Variants in OR4N2 observed in about 807,000 individuals in gnomAD.
OR4N2 encodes the protein olfactory receptor family 4 subfamily N member 2.
For synonymous variants in OR4N2, 141 were observed against 140.4 expected, an observed-to-expected ratio of 1.00 and a Z score of -0.03; for missense variants, 307 against 377.6, an observed-to-expected ratio of 0.81 and a Z score of 1.55.
chr14:19,817,534 G>A (rs1879456477), intron 1 of OR4N2, among the ~76,000 whole-genome samples: 1 of 152,206 alleles, frequency 6.6e-6, no homozygotes, highest in Admixed American at 6.5e-5. Context: ...GATCAGTGGT[G>A]ATACCCCTTT....
intron 1 of OR4N2, among the ~76,000 whole-genome samples, chr14:19,804,117 T>C (rs1191053673): frequency 6.6e-6 from 1 of 152,246 alleles, no homozygotes; most frequent in Non-Finnish European, 1.5e-5. Flanking sequence ...GCCAATGCTC[T>C]ATCAATCTGA....
intron 1 of OR4N2, among the ~76,000 whole-genome samples, chr14:19,820,136 G>A (rs1044836008): frequency 3.3e-5 from 5 of 152,244 alleles, no homozygotes; most frequent in Non-Finnish European, 7.3e-5. Context: ...CCTGCTAGGA[G>A]GTGTCTCCCA....
At position 19,827,235 on chromosome 14, in the gene OR4N2, G is replaced by A. The variant is rs186426518; in HGVS notation, c.-9-205G>A. On this transcript the variant is annotated intron_variant, in intron 1 of 1. Transcript: ENST00000557677. ...ATGGTTGAATGGGAATAAAACTGTAGCTTTGAGAACCATATTGTGTTTTCA... is the reference window on the plus strand; with the variant it reads ...ATGGTTGAATGGGAATAAAACTGTAACTTTGAGAACCATATTGTGTTTTCA... 2.7e-3 allele frequency among the ~76,000 whole-genome samples: 410 copies of A among 152,198 alleles called. 1 individual carries two copies. Among genetic ancestry groups the A allele is most frequent in the Non-Finnish European group, 4.7e-3 (316 of 67,894 alleles).
At chr14:19,821,657 T>C (rs1261150840) in intron 1 of OR4N2, among the ~76,000 whole-genome samples, 1 of 152,260 alleles carries the variant, frequency 6.6e-6, no homozygotes, top group Non-Finnish European at 1.5e-5. Flanking sequence ...ACGATAGAAT[T>C]TTTGTTTTAG....
chr14:19,812,550 A>G (rs112895208), intron 1 of OR4N2, among the ~76,000 whole-genome samples: 11,864 of 148,514 alleles, frequency 0.08, 89 homozygotes, highest in East Asian at 0.18. Flanking sequence ...AGTAGAGACG[A>G]GGTTTCACCG....
At chr14:19,809,987 A>G (rs2138463215) in intron 1 of OR4N2, among the ~76,000 whole-genome samples, 2 of 151,238 alleles carry the variant, frequency 1.3e-5, no homozygotes, top group East Asian at 3.9e-4. Context: ...ACAAAAAAAC[A>G]GAAATTGACA....
At chr14:19,809,048 G>A (rs1879233682) in intron 1 of OR4N2, among the ~76,000 whole-genome samples, 1 of 152,170 alleles carries the variant, frequency 6.6e-6, no homozygotes, top group African/African-American at 2.4e-5. Flanking sequence ...CCCCTACTGA[G>A]GAAAGTTGTG....
intron 1 of OR4N2, among the ~76,000 whole-genome samples, chr14:19,823,660 T>C (rs868852912): frequency 6.6e-6 from 1 of 151,678 alleles, no homozygotes; most frequent in South Asian, 2.1e-4. Flanking sequence ...TGAAAAAACA[T>C]AGATAAATGT....
intron 1 of OR4N2, among the ~76,000 whole-genome samples, chr14:19,816,378 C>T (rs1164962395): frequency 2.5e-4 from 38 of 152,252 alleles, no homozygotes; most frequent in African/African-American, 5.1e-4. Flanking sequence ...TTTCCTTGAG[C>T]GGTGGTTTGT....
chr14:19,826,175 G>A (rs1484354607), intron 1 of OR4N2, among the ~76,000 whole-genome samples: 2 of 152,148 alleles, frequency 1.3e-5, no homozygotes, highest in Non-Finnish European at 2.9e-5. Flanking sequence ...ATACTTCAGT[G>A]GATTATCATG....
At chr14:19,827,401 T>G (rs374777800) in intron 1 of OR4N2, 39 bp from the exon 2 acceptor site, 1 of 1,499,612 alleles carries the variant, frequency 6.7e-7, no homozygotes, top group Non-Finnish European at 9.0e-7. Context: ...TTGGAAGACA[T>G]AGTAATAACA....
intron 1 of OR4N2, among the ~76,000 whole-genome samples, chr14:19,825,057 G>C (rs895239496): frequency 3.3e-5 from 5 of 152,180 alleles, no homozygotes; most frequent in African/African-American, 1.2e-4. Flanking sequence ...GGCTGGCAAA[G>C]GGGGAAAGGT....
intron 1 of OR4N2, among the ~76,000 whole-genome samples, chr14:19,805,116 G>A (rs1344454584): frequency 6.6e-6 from 1 of 152,142 alleles, no homozygotes; most frequent in Non-Finnish European, 1.5e-5. Context: ...CTCTTGTAGA[G>A]AGAATACAGT....
At chr14:19,811,912 C>A (rs1219001891) in intron 1 of OR4N2, among the ~76,000 whole-genome samples, 2 of 152,254 alleles carry the variant, frequency 1.3e-5, no homozygotes, top group Admixed American at 6.5e-5. Context: ...CATGCTCTCA[C>A]CACTTCTATT....
rs572976733 is a variant in OR4N2, at chr14:19,829,020, T to C, written c.*648T>C. On this transcript the variant is annotated 3_prime_UTR_variant, in exon 2 of 2. Coordinates refer to ENST00000557677, the MANE Select transcript of OR4N2 (RefSeq NM_001004723.3). ...TTAAGCAAAAGAGTGATTCCTCTAC[T>C]GAAGGGTCATAAACAACTTAGCACT... is the stretch of plus-strand genomic sequence containing the variant. 2.0e-5 allele frequency: 3 copies of C among 153,060 alleles called. No homozygotes were observed. The highest frequency in any genetic ancestry group is 4.4e-5 in the Non-Finnish European group (3 of 68,650). The allele number at this position is 153,060 out of a possible 1,614,324, so 9.5% of individuals were successfully genotyped here. A position where few individuals can be genotyped will look rare whatever the true frequency, so the allele number is the denominator to read the frequency against.
At chr14:19,815,953 G>A (rs1013073787) in intron 1 of OR4N2, among the ~76,000 whole-genome samples, 4 of 152,138 alleles carry the variant, frequency 2.6e-5, no homozygotes, top group African/African-American at 2.4e-5. Context: ...TATTAAATAG[G>A]GAATCCTTTT....
intron 1 of OR4N2, among the ~76,000 whole-genome samples, chr14:19,808,836 A>T (rs550717171): frequency 0.046 from 6,679 of 145,226 alleles, 66 homozygotes; most frequent in Non-Finnish European, 0.064. Context: ...AAAAAAAAGT[A>T]AAAAAAATGA....
rs549806402 is a variant in OR4N2 at position 19,811,295 on chromosome 14, G to A, written c.-10+7451G>A. Among the ~76,000 whole-genome samples the A allele has an allele frequency of 3.6e-3, 544 of 152,218 alleles. 1 individual carries two copies. The highest frequency in any genetic ancestry group is 0.011 in the African/African-American group (463 of 41,482). ...GGAGTCTCACTCTGTCACCCAGGCT[G>A]GAGTGCAGTGGTGCGATCTCGGCTC... On this transcript the variant is annotated intron_variant, in intron 1 of 1. Transcript: ENST00000557677.
At chr14:19,815,663 T>TG (rs1566464812) in intron 1 of OR4N2, among the ~76,000 whole-genome samples, 3 of 151,450 alleles carry the variant, frequency 2.0e-5, no homozygotes, top group South Asian at 2.1e-4. Flanking sequence ...TTGTTTTTTT[T>TG]TTTTTTGTTT....
Sources: gnomAD v4.1 joint callset for allele counts (sites outside exome capture counted in the v4.1 genomes callset) on GRCh38, gnomAD v4.1.1 for gene constraint, MANE v1.5 for transcripts, NCBI Gene and HGNC (gene_info 2026-07-23, HGNC 2026-07-21) for gene names.